The following YTHDC2 variants were observed in gnomAD, a reference collection of about 807,000 sequenced individuals.
The protein encoded by YTHDC2 is 3'-5' RNA helicase YTHDC2.
A neutral mutation model predicts 174.9 loss-of-function variants in YTHDC2; 45 were observed. The ratio of observed to expected loss-of-function variants is 0.26; its 90% CI spans 0.20 to 0.33. The LOEUF (loss-of-function observed/expected upper bound fraction) is 0.33, where lower values mean the gene tolerates loss of function less well. Ranked by LOEUF, YTHDC2 falls within the 10% of genes least tolerant of loss-of-function variation. The probability of loss-of-function intolerance (pLI) is 1.00; values close to 1 mark genes in which losing one functional copy is unlikely to be tolerated. For missense variants in YTHDC2, 1,650 were observed against 1,723.7 expected (o/e 0.96, Z 0.76); for synonymous variants, 657 against 574.5 (o/e 1.14, Z -2.05).
At chr5:113,572,665 A>G (rs1038401968) in intron 23 of YTHDC2, among the ~76,000 whole-genome samples, 2 of 152,176 alleles carry the variant, frequency 1.3e-5, no homozygotes, top group Non-Finnish European at 2.9e-5. Flanking sequence ...TAGCTTGCAT[A>G]TATATTTAGG....
intron 24 of YTHDC2, among the ~76,000 whole-genome samples, chr5:113,580,587 A>G (rs757571841): frequency 2.6e-4 from 40 of 152,276 alleles, no homozygotes; most frequent in Middle Eastern, 3.4e-3. Flanking sequence ...CCATTCATTC[A>G]TCACTTCAAC....
At position 113,580,026 on chromosome 5, in the gene YTHDC2, G is replaced by C. The variant is rs1778303341; in HGVS notation, c.3354+331G>C. 5 of 732,246 alleles carry C rather than the reference G, an allele frequency of 6.8e-6. No homozygotes were observed. In the South Asian group the frequency reaches 3.1e-4, roughly 45 times the overall value. 45.4% of individuals were successfully genotyped at this position (732,246 alleles called of 1,614,324 possible). ...TGAGATCAAGGTGCTGACGTCGGTT[G>C]AGGGCTGCTGGACCCTGCCTCCTAT... On this transcript the variant is annotated intron_variant, in intron 24 of 29. Coordinates refer to ENST00000161863, the MANE Select transcript of YTHDC2 (RefSeq NM_022828.5).
chr5:113,556,309 A>C, intron 17 of YTHDC2, 175 bp downstream of exon 17: 1 of 415,150 alleles, frequency 2.4e-6, no homozygotes. Context: ...AGTTGAATGT[A>C]GGTTATGTTA....
At position 113,526,925 on chromosome 5, in the gene YTHDC2, A is replaced by T. The variant is rs528380817; in HGVS notation, c.675+140A>T. On this transcript the variant is annotated intron_variant, in intron 4 of 29. Transcript: ENST00000161863. The stretch of plus-strand genomic sequence containing the variant: ...ACAGAAAAAGAAACTTGTGGTTATT[A>T]TAGTAATGGTTATTTCAGAAGTAAA... The T allele has an allele frequency of 5.4e-4, 113 of 209,706 alleles. 1 individual carries two copies. Among genetic ancestry groups the T allele is most frequent in the Non-Finnish European group, 9.7e-4 (103 of 106,428 alleles). 13.0% of individuals were successfully genotyped at this position (209,706 alleles called of 1,614,324 possible). A position where few individuals can be genotyped will look rare whatever the true frequency, so the allele number is the denominator to read the frequency against.
intron 7 of YTHDC2, among the ~76,000 whole-genome samples, chr5:113,536,495 A>T (rs1465578259): frequency 6.6e-6 from 1 of 152,242 alleles, no homozygotes; most frequent in Non-Finnish European, 1.5e-5. Flanking sequence ...ACTGCACTCC[A>T]GCCTGGGTGA....
Position 113,539,055 on chromosome 5 carries a change from ATTT to A in YTHDC2, c.1103-12_1103-10del. The A allele has an allele frequency of 8.3e-7, 1 of 1,202,556 alleles. No homozygotes were observed. Among genetic ancestry groups the A allele is most frequent in the Non-Finnish European group, 1.1e-6 (1 of 879,622 alleles). 74.5% of individuals were successfully genotyped at this position (1,202,556 alleles called of 1,614,324 possible). A position where few individuals can be genotyped will look rare whatever the true frequency, so the allele number is the denominator to read the frequency against. ...CTCCAAGATGCAAGTTGAGTATTTA[ATTT>A]TTTTTTATTATTTAGTACAGGGAAG... On this transcript the variant is annotated splice_polypyrimidine_tract_variant and intron_variant, in intron 7 of 29. Transcript: ENST00000161863.
At chr5:113,548,416 T>C (rs2081999441) in intron 10 of YTHDC2, 125 bp from the exon 11 acceptor site, 1 of 872,926 alleles carries the variant, frequency 1.1e-6, no homozygotes, top group Admixed American at 3.0e-5. Flanking sequence ...CATTATGTAG[T>C]TAAGGAGCAA....
In YTHDC2 at chr5:113,581,499, C is replaced by G. The variant is rs1778400598; in HGVS notation, c.3437C>G (p.Ser1146Cys). 1 of 1,613,988 alleles carries G rather than the reference C, an allele frequency of 6.2e-7. No individual in the cohort carries two copies. Among genetic ancestry groups the G allele is most frequent in the East Asian group, 2.2e-5 (1 of 44,860 alleles). ...RRMRAPSKPW[S>C]QVDEATIRAI... ...ATGAGAGCTCCATCTAAACCTTGGT[C>G]TCAAGTTGATGAAGCTACCATAAGA... is the stretch of plus-strand genomic sequence containing the variant. The change falls in exon 25 of 30, where the codon TCT becomes TGT. Residue 1146 changes from serine to cysteine, a missense_variant. By Grantham distance (112) the Ser-to-Cys change is moderately radical. Transcript: ENST00000161863.
rs577212825 is a variant in YTHDC2 at position 113,594,538 on chromosome 5, T to C, written c.*1064T>C. ...TGGTTTAATAAATGGGGGATAATTT[T>C]TTTTTTGTAAATCCGTGCTTGTGCC... On this transcript the variant is annotated 3_prime_UTR_variant, in exon 30 of 30. Transcript: ENST00000161863. The C allele has an allele frequency of 7.9e-5, 12 of 152,280 alleles. No homozygotes were observed. In the East Asian group the frequency reaches 2.3e-3, roughly 29 times the overall value. The allele number at this position is 152,280 out of a possible 1,614,324, so 9.4% of individuals were successfully genotyped here.
chr5:113,589,127 C>G (rs1778847357), intron 26 of YTHDC2, among the ~76,000 whole-genome samples: 1 of 151,662 alleles, frequency 6.6e-6, no homozygotes, highest in Non-Finnish European at 1.5e-5. Context: ...ATACGAATGT[C>G]CATTTTGTAT....
At chr5:113,539,951 G>GA (rs1775337014) in intron 8 of YTHDC2, among the ~76,000 whole-genome samples, 1 of 152,048 alleles carries the variant, frequency 6.6e-6, no homozygotes, top group Admixed American at 6.5e-5. Context: ...ACTCAGGCTG[G>GA]AGTGCATTGG....
At chr5:113,554,102 AG>A in intron 16 of YTHDC2, 80 bp downstream of exon 16, 3 of 1,259,444 alleles carry the variant, frequency 2.4e-6, no homozygotes, top group Non-Finnish European at 3.1e-6. Context: ...TTTATTATTT[AG>A]TTGTTTTTCT....
intron 10 of YTHDC2, among the ~76,000 whole-genome samples, chr5:113,548,236 C>T (rs912094572): frequency 2.0e-5 from 3 of 152,132 alleles, no homozygotes; most frequent in Non-Finnish European, 2.9e-5. Flanking sequence ...TAAGGTTATG[C>T]AAGTTAATAG....
chr5:113,526,604 A>G lies in YTHDC2; in HGVS notation c.494A>G (p.Lys165Arg), dbSNP rs1298655225. ...TTCAAAGAAAACCGGGAAATGAGCA[A>G]GACAAGTGGGCGACTCAACAATGGC... ...AVEAENREMS[K>R]TSGRLNNGIP... Residue 165 changes from lysine (K) to arginine (R), a missense_variant, in exon 4 of 30, where the codon AAG becomes AGG. By Grantham distance (26) the Lys-to-Arg change is conservative. Transcript: ENST00000161863. The G allele has an allele frequency of 2.6e-6, 4 of 1,559,538 alleles. No individual in the cohort carries two copies. Among genetic ancestry groups the G allele is most frequent in the Admixed American group, 1.8e-5 (1 of 55,298 alleles).
intron 23 of YTHDC2, among the ~76,000 whole-genome samples, chr5:113,568,096 T>A (rs1777467727): frequency 6.6e-6 from 1 of 152,122 alleles, no homozygotes; most frequent in Admixed American, 6.6e-5. Context: ...GAAATTTTTC[T>A]TTTCCACTTG....
rs1774912019 is a variant in YTHDC2 at position 113,534,398 on chromosome 5, T to C, written c.936T>C (p.His312=). The C allele has an allele frequency of 6.2e-7, 1 of 1,611,276 alleles. No individual in the cohort carries two copies. The highest frequency in any genetic ancestry group is 8.5e-7 in the Non-Finnish European group (1 of 1,178,052). Reference sequence around the variant, plus strand: ...ATAGTACGTTGTCGACTGTGACACATGTTATCGTGGTAAGAATATTGCTGA... The same window carrying C: ...ATAGTACGTTGTCGACTGTGACACACGTTATCGTGGTAAGAATATTGCTGA... ...AGDSTLSTVT[H]VIVDEVHERD... The change falls in exon 6 of 30, where the codon CAT becomes CAC. Residue 312 remains histidine (H), a synonymous_variant. Coordinates refer to ENST00000161863, the MANE Select transcript of YTHDC2 (RefSeq NM_022828.5).
At chr5:113,540,550 C>T (rs796127710) in intron 8 of YTHDC2, among the ~76,000 whole-genome samples, 70 of 152,296 alleles carry the variant, frequency 4.6e-4, no homozygotes, top group African/African-American at 1.6e-3. Flanking sequence ...CAAGGACCTT[C>T]TTTACATGGC....
chr5:113,517,641 C>T (rs574141377), intron 2 of YTHDC2: 1 of 455,572 alleles, frequency 2.2e-6, no homozygotes, highest in African/African-American at 2.0e-5. Context: ...TCCCTAATAC[C>T]TATAACCTTA....
intron 26 of YTHDC2, among the ~76,000 whole-genome samples, chr5:113,588,785 G>C (rs1489236955): frequency 6.6e-6 from 1 of 151,682 alleles, no homozygotes; most frequent in Non-Finnish European, 1.5e-5. Context: ...ACCATGCCTG[G>C]CTAAGTTTTT....
Sources: gnomAD v4.1 joint callset for allele counts (sites outside exome capture counted in the v4.1 genomes callset) on GRCh38, gnomAD v4.1.1 for gene constraint, MANE v1.5 for transcripts, NCBI Gene and HGNC (gene_info 2026-07-23, HGNC 2026-07-21) for gene names.